Variants in PTPRO observed in about 807,000 individuals in gnomAD.
PTPRO encodes the protein protein tyrosine phosphatase receptor type O.
In PTPRO, 62 loss-of-function variants were observed where a neutral mutation model predicts 145.2. The ratio of observed to expected loss-of-function variants is 0.43; its 90% CI spans 0.35 to 0.53. The LOEUF (loss-of-function observed/expected upper bound fraction) is 0.53, where lower values mean the gene tolerates loss of function less well. PTPRO is among the 20% of genes least tolerant of loss of function. The pLI is 0.01. For synonymous variants in PTPRO, 565 were observed against 514.7 expected, an observed-to-expected ratio of 1.10 and a Z score of -1.32; for missense variants, 1,345 against 1,482.7, an observed-to-expected ratio of 0.91 and a Z score of 1.53.
chr12:15,515,394 G>A, intron 7 of PTPRO, 104 bp from the exon 8 acceptor site: 1 of 1,468,388 alleles, frequency 6.8e-7, no homozygotes, highest in South Asian at 1.2e-5. Flanking sequence ...GGATTTCAAA[G>A]TCATCTGTGA....
chr12:15,524,734 T>TA (rs1435451407), intron 10 of PTPRO, 80 bp from the exon 11 acceptor site: 3 of 1,455,152 alleles, frequency 2.1e-6, no homozygotes, highest in East Asian at 4.6e-5. Flanking sequence ...GTTGACTCTA[T>TA]ATGGGATTTC....
chr12:15,455,408 G>C (rs1455444936), intron 1 of PTPRO, among the ~76,000 whole-genome samples: 1 of 151,884 alleles, frequency 6.6e-6, no homozygotes, highest in Admixed American at 6.6e-5. Flanking sequence ...TTGATAGGAA[G>C]TATGATAAAT....
chr12:15,579,641 GCATCTTCTGTTCT>G, intron 20 of PTPRO, among the ~76,000 whole-genome samples: 1 of 152,286 alleles, frequency 6.6e-6, no homozygotes, highest in Admixed American at 6.5e-5. Context: ...AGAAACCCAT[GCATCTTCTGTTCT>G]CTAGGTCTCC....
chr12:15,487,227 T>C (rs1941907174), intron 2 of PTPRO, among the ~76,000 whole-genome samples: 1 of 152,092 alleles, frequency 6.6e-6, no homozygotes, highest in African/African-American at 2.4e-5. Context: ...CTTGACATTT[T>C]TACCCCTCAA....
chr12:15,327,545 C>T (rs778271677), intron 1 of PTPRO, among the ~76,000 whole-genome samples: 90 of 152,140 alleles, frequency 5.9e-4, no homozygotes, highest in Non-Finnish European at 5.6e-4. Context: ...TTTTCTACAC[C>T]CTGGTCTTGG....
Position 15,461,495 on chromosome 12 carries a change from C to CT in PTPRO, c.76-22474dup, listed in dbSNP as rs1189367771. 3.3e-5 allele frequency among the ~76,000 whole-genome samples: 5 copies of CT among 150,238 alleles called. No homozygotes were observed. The East Asian group carries it at 9.9e-4, about 30-fold the overall frequency. ...TTTGAATATTTTACAGAGTGTGACT[C>CT]TTTTTGTCAACATCTTCATCTCCTC... is the stretch of plus-strand genomic sequence containing the variant. On this transcript the variant is annotated intron_variant, in intron 1 of 26. Transcript: ENST00000281171.
Position 15,578,836 on chromosome 12 carries a change from T to C in PTPRO, c.2830-17T>C, listed in dbSNP as rs748770688. On this transcript the variant is annotated splice_polypyrimidine_tract_variant and intron_variant, in intron 19 of 26. Transcript: ENST00000281171. ...ACCACGTATGGAACTCTCAAATCCA[T>C]TCTCTGTCCTTTACAGGAGTTGAAA... The C allele has an allele frequency of 2.6e-6, 4 of 1,542,960 alleles. No individual in the cohort carries two copies. The highest frequency in any genetic ancestry group is 3.6e-6 in the Non-Finnish European group (4 of 1,115,266).
chr12:15,594,862 TA>T lies in PTPRO; in HGVS notation c.3547-71del, dbSNP rs1441920929. The T allele has an allele frequency of 5.7e-6, 6 of 1,059,384 alleles. No individual in the cohort carries two copies. The African/African-American group carries it at 7.9e-5, about 14-fold the overall frequency. 65.6% of individuals were successfully genotyped at this position (1,059,384 alleles called of 1,614,324 possible). The stretch of plus-strand genomic sequence containing the variant: ...TCCTTTAACACCAGATCTTGATCAT[TA>T]AAATTGTCATAGTATAAAATATTAT... On this transcript the variant is annotated intron_variant, in intron 25 of 26. Coordinates refer to ENST00000281171, the MANE Select transcript of PTPRO (RefSeq NM_030667.3).
At position 15,530,982 on chromosome 12, in the gene PTPRO, G is replaced by C. The variant is rs115823457; in HGVS notation, c.2164+4720G>C. 8.5e-3 allele frequency among the ~76,000 whole-genome samples: 1,283 copies of C among 151,834 alleles called. 23 individuals carry two copies. Among genetic ancestry groups the C allele is most frequent in the African/African-American group, 0.029 (1,218 of 41,472 alleles). ...AAATCAACAAACCTTTAACTAGACT[G>C]AGAAAAAAAGAGAGAAGACCCAAAG... On this transcript the variant is annotated intron_variant, in intron 12 of 26. Transcript: ENST00000281171.
At chr12:15,329,959 G>T (rs1242313014) in intron 1 of PTPRO, among the ~76,000 whole-genome samples, 2 of 152,184 alleles carry the variant, frequency 1.3e-5, no homozygotes, top group African/African-American at 4.8e-5. Context: ...GCCCAGTGTT[G>T]TGAAAAGCAT....
intron 7 of PTPRO, among the ~76,000 whole-genome samples, chr12:15,514,342 C>G (rs1051097978): frequency 2.0e-5 from 3 of 151,398 alleles, no homozygotes; most frequent in African/African-American, 7.3e-5. Flanking sequence ...ATCCCAGCTA[C>G]TCAGGAGCCT....
intron 19 of PTPRO, among the ~76,000 whole-genome samples, chr12:15,577,308 A>G (rs1043786016): frequency 1.3e-5 from 2 of 152,264 alleles, no homozygotes; most frequent in Non-Finnish European, 2.9e-5. Flanking sequence ...TGTTGGCTAC[A>G]GTCAGGCAAC....
intron 1 of PTPRO, among the ~76,000 whole-genome samples, chr12:15,456,291 G>C (rs891446460): frequency 2.0e-5 from 3 of 152,016 alleles, no homozygotes; most frequent in African/African-American, 7.3e-5. Context: ...TTCATATGTT[G>C]AATCATCCTT....
intron 6 of PTPRO, among the ~76,000 whole-genome samples, chr12:15,507,054 C>G (rs1420877518): frequency 6.6e-6 from 1 of 152,156 alleles, no homozygotes; most frequent in Non-Finnish European, 1.5e-5. Context: ...TACTCTATCT[C>G]TACCTCAGTT....
intron 1 of PTPRO, among the ~76,000 whole-genome samples, chr12:15,340,801 C>T (rs985624908): frequency 6.6e-6 from 1 of 152,142 alleles, no homozygotes; most frequent in Non-Finnish European, 1.5e-5. Context: ...GAGACTTTTA[C>T]ACCTCAGATT....
chr12:15,422,022 C>A, intron 1 of PTPRO, among the ~76,000 whole-genome samples: 1 of 151,574 alleles, frequency 6.6e-6, no homozygotes, highest in East Asian at 1.9e-4. Context: ...ATATGAAGCT[C>A]GCCCATTTAA....
chr12:15,350,663 G>A (rs969873296), intron 1 of PTPRO, among the ~76,000 whole-genome samples: 5 of 152,210 alleles, frequency 3.3e-5, no homozygotes, highest in Admixed American at 2.6e-4. Context: ...AGGAATTCTT[G>A]AAACTGCCTG....
rs961284985 is a variant in PTPRO, at chr12:15,537,050, G to A, written c.2165-9519G>A. 8.5e-5 allele frequency among the ~76,000 whole-genome samples: 13 copies of A among 152,204 alleles called. 1 individual carries two copies. The South Asian group carries it at 1.5e-3, about 17-fold the overall frequency. ...AGCCTAGAGACACAGCAAGATTTGC[G>A]GCCTGAGCAATTGGAAAGACAGAGG... On this transcript the variant is annotated intron_variant, in intron 12 of 26. Transcript: ENST00000281171.
At chr12:15,549,381 A>G (rs1943393229) in intron 14 of PTPRO, among the ~76,000 whole-genome samples, 155 bp downstream of exon 14, 1 of 152,118 alleles carries the variant, frequency 6.6e-6, no homozygotes, top group Non-Finnish European at 1.5e-5. Context: ...ATGGAGTTAG[A>G]GAAAGACATT....
Sources: allele counts gnomAD v4.1 joint callset (sites outside exome capture counted in the v4.1 genomes callset), GRCh38; gene constraint gnomAD v4.1.1; transcripts MANE v1.5; gene names NCBI Gene and HGNC (gene_info 2026-07-23, HGNC 2026-07-21).